KMO: variants seen among roughly 807,000 people sequenced by gnomAD.
The protein encoded by KMO is kynurenine 3-monooxygenase.
Under a neutral mutation model 57.8 loss-of-function variants are expected in KMO, and 24 were observed. That is an observed-to-expected ratio of 0.42 (90% CI 0.30 to 0.58). The LOEUF (loss-of-function observed/expected upper bound fraction) is 0.58. KMO is among the 20% of genes least tolerant of loss of function. KMO has a pLI of 0.22. For synonymous variants in KMO, 210 were observed against 193.6 expected (o/e 1.08, Z -0.70); for missense variants, 483 against 588.2 (o/e 0.82, Z 1.85).
At chr1:241,572,894 T>C (rs1027356506) in intron 10 of KMO, among the ~76,000 whole-genome samples, 5 of 152,146 alleles carry the variant, frequency 3.3e-5, no homozygotes, top group African/African-American at 9.6e-5. Flanking sequence ...CAGTATTTGA[T>C]TTTCTATTCT....
chr1:241,591,823 G>T, intron 14 of KMO, 130 bp from the exon 15 acceptor site: 1 of 708,772 alleles, frequency 1.4e-6, no homozygotes, highest in Non-Finnish European at 2.4e-6. Flanking sequence ...TGGTGGTCAT[G>T]CAAGTAAATT....
In KMO at chr1:241,532,382, C is replaced by T; in HGVS notation, c.-63C>T. The T allele has an allele frequency of 6.2e-7, 1 of 1,610,664 alleles. No homozygotes were observed. The highest frequency in any genetic ancestry group is 8.5e-7 in the Non-Finnish European group (1 of 1,178,686). On this transcript the variant is annotated 5_prime_UTR_variant, in exon 1 of 15. Transcript: ENST00000366559. ...CTCAGAGAAATCAGTGTGTAGGAGA[C>T]ACAGAAATCAGTGTCACTCAGTGAC...
intron 7 of KMO, among the ~76,000 whole-genome samples, chr1:241,562,910 GGAA>G (rs1661921443): frequency 0.026 from 855 of 33,178 alleles, 16 homozygotes; most frequent in African/African-American, 0.091. Flanking sequence ...AAGGAAGGAA[GGAA>G]GGAAAGAAGG....
intron 5 of KMO, among the ~76,000 whole-genome samples, chr1:241,557,848 C>A (rs957524366): frequency 1.3e-5 from 2 of 152,150 alleles, no homozygotes; most frequent in Non-Finnish European, 2.9e-5. Flanking sequence ...GAAAACTCCA[C>A]AAAACAGCTT....
intron 1 of KMO, among the ~76,000 whole-genome samples, chr1:241,534,655 T>G (rs1162899320): frequency 1.3e-5 from 2 of 152,246 alleles, no homozygotes; most frequent in Non-Finnish European, 2.9e-5. Flanking sequence ...ACAACCATCC[T>G]GGCCCAAGCC....
chr1:241,581,073 A>G (rs76833991), intron 10 of KMO, among the ~76,000 whole-genome samples: 1 of 152,164 alleles, frequency 6.6e-6, no homozygotes, highest in Non-Finnish European at 1.5e-5. Context: ...TTGTCATTAT[A>G]TAATGAACTC....
In KMO at chr1:241,532,399, C is replaced by T; in HGVS notation, c.-46C>T. 1 of 1,611,780 alleles carries T rather than the reference C, an allele frequency of 6.2e-7. No homozygotes were observed. Among genetic ancestry groups the T allele is most frequent in the Non-Finnish European group, 8.5e-7 (1 of 1,178,982 alleles). On this transcript the variant is annotated 5_prime_UTR_variant, in exon 1 of 15. Coordinates refer to ENST00000366559, the MANE Select transcript of KMO (RefSeq NM_003679.5). ...GTAGGAGACACAGAAATCAGTGTCA[C>T]TCAGTGACAGAAGCAACAATAATTG...
At chr1:241,576,276 A>G (rs1298140796) in intron 10 of KMO, among the ~76,000 whole-genome samples, 1 of 151,998 alleles carries the variant, frequency 6.6e-6, no homozygotes, top group Non-Finnish European at 1.5e-5. Context: ...TAGTATTGAG[A>G]TGTGAGGTGC....
At chr1:241,556,853 C>T (rs1262048627) in intron 5 of KMO, among the ~76,000 whole-genome samples, 3 of 152,034 alleles carry the variant, frequency 2.0e-5, no homozygotes, top group East Asian at 1.9e-4. Flanking sequence ...CATGCCACTG[C>T]CCTCCAGCCT....
intron 1 of KMO, among the ~76,000 whole-genome samples, chr1:241,538,479 G>A (rs918120909): frequency 2.6e-5 from 4 of 152,162 alleles, no homozygotes; most frequent in South Asian, 2.1e-4. Context: ...TGCCAGAGAC[G>A]TTGTCTATAA....
intron 1 of KMO, among the ~76,000 whole-genome samples, chr1:241,537,867 A>G (rs1201197631): frequency 1.3e-5 from 2 of 152,160 alleles, no homozygotes; most frequent in African/African-American, 4.8e-5. Flanking sequence ...CCCTCCCACA[A>G]CACATGAGGA....
intron 14 of KMO, among the ~76,000 whole-genome samples, chr1:241,591,567 T>C (rs909958896): frequency 2.0e-5 from 3 of 152,310 alleles, no homozygotes; most frequent in Middle Eastern, 3.4e-3. Context: ...AGGCCACCAC[T>C]CTTCTCCTGG....
intron 10 of KMO, among the ~76,000 whole-genome samples, chr1:241,579,528 T>C (rs567271878): frequency 2.0e-5 from 3 of 151,844 alleles, no homozygotes; most frequent in Admixed American, 2.0e-4. Context: ...AATTAGGGAG[T>C]AGCAGGCGGC....
intron 10 of KMO, among the ~76,000 whole-genome samples, chr1:241,569,553 A>G (rs1224690695): frequency 6.6e-6 from 1 of 152,096 alleles, no homozygotes; most frequent in East Asian, 1.9e-4. Flanking sequence ...TTATCCATTC[A>G]TCCATTGATG....
chr1:241,552,951 TAA>T (rs1661467499), intron 4 of KMO, among the ~76,000 whole-genome samples: 1 of 152,180 alleles, frequency 6.6e-6, no homozygotes, highest in South Asian at 2.1e-4. Context: ...AATCCTAACC[TAA>T]CCTCTTATGC....
intron 4 of KMO, 100 bp downstream of exon 4, chr1:241,551,144 T>G: frequency 1.4e-6 from 1 of 707,400 alleles, no homozygotes; most frequent in Non-Finnish European, 2.5e-6. Flanking sequence ...GCCCTATCTC[T>G]GACATTGCTT....
intron 4 of KMO, among the ~76,000 whole-genome samples, chr1:241,552,675 G>C (rs1661452811): frequency 6.6e-6 from 1 of 152,154 alleles, no homozygotes; most frequent in African/African-American, 2.4e-5. Flanking sequence ...GTCTGCTGAA[G>C]ACCTACGGGT....
chr1:241,584,611 A>G (rs116689829), intron 10 of KMO, among the ~76,000 whole-genome samples: 27,120 of 152,084 alleles, frequency 0.18, 2,875 homozygotes, highest in Non-Finnish European at 0.24. Flanking sequence ...ATAGCGTTTA[A>G]AAGTTGAACA....
intron 10 of KMO, among the ~76,000 whole-genome samples, chr1:241,583,114 CA>C (rs1662820882): frequency 6.6e-6 from 1 of 152,164 alleles, no homozygotes. Flanking sequence ...CAAAGTATCT[CA>C]GTCTCTTCTC....
Sources: allele counts gnomAD v4.1 joint callset (sites outside exome capture counted in the v4.1 genomes callset), GRCh38; gene constraint gnomAD v4.1.1; transcripts MANE v1.5; gene names NCBI Gene and HGNC (gene_info 2026-07-23, HGNC 2026-07-21).